THSD7B: variants seen among roughly 807,000 people sequenced by gnomAD.
The protein encoded by THSD7B is thrombospondin type 1 domain containing 7B.
A neutral mutation model predicts 213.6 loss-of-function variants in THSD7B; 138 were observed. That is an observed-to-expected ratio of 0.65 (90% confidence interval 0.56 to 0.74). The LOEUF is 0.74. Among genes scored for constraint, THSD7B ranks in the 30% least tolerant of loss-of-function variants. THSD7B has a pLI of 0.00. For synonymous variants in THSD7B, 742 were observed against 687.0 expected, an observed-to-expected ratio of 1.08 and a Z score of -1.25; for missense variants, 1,931 against 1,991.5, an observed-to-expected ratio of 0.97 and a Z score of 0.58.
In THSD7B at chr2:136,973,587, T is replaced by C. The variant is rs182637703; in HGVS notation, c.140-82833T>C. Among the ~76,000 whole-genome samples the C allele has an allele frequency of 7.9e-5, 12 of 152,306 alleles. 1 individual carries two copies. The highest frequency in any genetic ancestry group is 5.9e-4 in the Admixed American group (9 of 15,286). On this transcript the variant is annotated intron_variant, in intron 2 of 27. Transcript: ENST00000409968. ...TTAATATATTCTGTTATTTTACCAA[T>C]AGAAAAGTGCATTCAATTTACTTTT... is the stretch of plus-strand genomic sequence containing the variant.
At chr2:137,615,475 C>G (rs1213124748) in intron 17 of THSD7B, among the ~76,000 whole-genome samples, 4 of 152,196 alleles carry the variant, frequency 2.6e-5, no homozygotes, top group South Asian at 2.1e-4. Flanking sequence ...TGGATGAAAT[C>G]TGGCAGGCCG....
intron 4 of THSD7B, among the ~76,000 whole-genome samples, chr2:137,106,662 A>G (rs1418445789): frequency 1.3e-5 from 2 of 152,230 alleles, no homozygotes; most frequent in African/African-American, 2.4e-5. Flanking sequence ...AAGGACTAAT[A>G]TATAGAATCT....
At chr2:137,439,890 T>G (rs990666626) in intron 14 of THSD7B, among the ~76,000 whole-genome samples, 8 of 152,122 alleles carry the variant, frequency 5.3e-5, no homozygotes, top group African/African-American at 1.9e-4. Context: ...AACCGCACAG[T>G]CAGGCAAATA....
At chr2:137,171,000 C>A in intron 7 of THSD7B, 62 bp downstream of exon 7, 1 of 1,516,692 alleles carries the variant, frequency 6.6e-7, no homozygotes, top group African/African-American at 1.4e-5. Flanking sequence ...TAACACATGA[C>A]CACCCTTCAA....
chr2:137,118,762 C>T (rs138953953), intron 5 of THSD7B, among the ~76,000 whole-genome samples: 39 of 152,144 alleles, frequency 2.6e-4, no homozygotes, highest in African/African-American at 9.4e-4. Flanking sequence ...AGTCCATTTC[C>T]GTGCCGCTGA....
chr2:137,665,435 T>C (rs1045168244), intron 26 of THSD7B, among the ~76,000 whole-genome samples: 1 of 151,952 alleles, frequency 6.6e-6, no homozygotes, highest in Admixed American at 6.6e-5. Context: ...GGTATATAAA[T>C]TGCATGTGTG....
At position 137,170,795 on chromosome 2, in the gene THSD7B, A is replaced by C; in HGVS notation, c.1580A>C (p.His527Pro). 6.2e-7 allele frequency: 1 copy of C among 1,613,706 alleles called. No homozygotes were observed. The highest frequency in any genetic ancestry group is 8.5e-7 in the Non-Finnish European group (1 of 1,179,744). ...ATGGAATCTACAGGGCCTGCAGGGC[A>C]TTGCCCTCATTTGGTGGAGTCTGTT... ...VLMESTGPAG[H>P]CPHLVESVPC... The change falls in exon 7 of 28, where the codon CAT (histidine) becomes CCT (proline). Residue 527 changes from histidine to proline, a missense_variant. His to Pro is a moderately conservative substitution (Grantham distance 77). Transcript: ENST00000409968.
intron 15 of THSD7B, among the ~76,000 whole-genome samples, chr2:137,489,420 C>CAA (rs113418344): frequency 7.9e-6 from 1 of 126,016 alleles, no homozygotes. Context: ...GACTCCATCT[C>CAA]AAAAAAAAAA....
In THSD7B at chr2:137,167,409, G is replaced by A. The variant is rs114799910; in HGVS notation, c.1526-3332G>A. On this transcript the variant is annotated intron_variant, in intron 6 of 27. Coordinates refer to ENST00000409968, the MANE Select transcript of THSD7B (RefSeq NM_001316349.2). ...GTAGAGATGGAGTTTTACCATATTG[G>A]CCAGGCTGGAACCTGCTGGACTTTC... 6.8e-3 allele frequency among the ~76,000 whole-genome samples: 1,029 copies of A among 151,876 alleles called. 10 individuals are homozygous for A. Among genetic ancestry groups the A allele is most frequent in the African/African-American group, 0.021 (886 of 41,426 alleles).
chr2:137,163,644 T>A (rs776144248), intron 6 of THSD7B, among the ~76,000 whole-genome samples: 38 of 152,222 alleles, frequency 2.5e-4, no homozygotes, highest in Non-Finnish European at 4.7e-4. Flanking sequence ...TGCTGACACC[T>A]TGATTTCAGG....
At chr2:136,797,652 C>T (rs542275327) in intron 1 of THSD7B, among the ~76,000 whole-genome samples, 5 of 151,954 alleles carry the variant, frequency 3.3e-5, no homozygotes, top group Admixed American at 6.6e-5. Flanking sequence ...TGAGTGTTGG[C>T]GTTTGCATTT....
chr2:136,942,123 T>C (rs1684838302), intron 2 of THSD7B, among the ~76,000 whole-genome samples: 1 of 152,226 alleles, frequency 6.6e-6, no homozygotes, highest in African/African-American at 2.4e-5. Context: ...CCATTTCTTG[T>C]TTTTGTCAGA....
At chr2:137,477,986 T>A (rs545036110) in intron 15 of THSD7B, among the ~76,000 whole-genome samples, 54 of 152,250 alleles carry the variant, frequency 3.5e-4, no homozygotes, top group Admixed American at 3.3e-4. Context: ...TAAGTAGCTA[T>A]ATGCTGTTCT....
chr2:137,402,462 CAT>C (rs1391212073), intron 12 of THSD7B, among the ~76,000 whole-genome samples: 9 of 151,860 alleles, frequency 5.9e-5, no homozygotes, highest in African/African-American at 2.2e-4. Context: ...AAATTATAAA[CAT>C]ATTCAAAAGA....
intron 5 of THSD7B, among the ~76,000 whole-genome samples, chr2:137,134,484 G>A (rs958824534): frequency 6.6e-6 from 1 of 152,158 alleles, no homozygotes; most frequent in Non-Finnish European, 1.5e-5. Context: ...GTCAGCTGGA[G>A]CAGCAGTCCA....
At chr2:137,587,462 T>C (rs1681761247) in intron 17 of THSD7B, among the ~76,000 whole-genome samples, 3 of 152,220 alleles carry the variant, frequency 2.0e-5, no homozygotes, top group Admixed American at 2.0e-4. Flanking sequence ...CCCATCTTTG[T>C]GGTTTTATCT....
At chr2:136,874,459 A>G (rs141209207) in intron 1 of THSD7B, among the ~76,000 whole-genome samples, 354 of 152,328 alleles carry the variant, frequency 2.3e-3, no homozygotes, top group Middle Eastern at 0.014. Context: ...TCTTCTCTGC[A>G]CAGTTACCAT....
chr2:137,566,272 C>T (rs1429531232), intron 16 of THSD7B, among the ~76,000 whole-genome samples: 1 of 152,154 alleles, frequency 6.6e-6, no homozygotes, highest in Non-Finnish European at 1.5e-5. Flanking sequence ...AATATAATGT[C>T]ATTGAGTCGA....
At chr2:137,519,581 A>T (rs926547145) in intron 15 of THSD7B, among the ~76,000 whole-genome samples, 3 of 152,204 alleles carry the variant, frequency 2.0e-5, no homozygotes, top group South Asian at 2.1e-4. Flanking sequence ...ACTACTTCAG[A>T]CTGGCAGAAT....
Sources: gnomAD v4.1 joint callset for allele counts (sites outside exome capture counted in the v4.1 genomes callset) on GRCh38, gnomAD v4.1.1 for gene constraint, MANE v1.5 for transcripts, NCBI Gene and HGNC (gene_info 2026-07-23, HGNC 2026-07-21) for gene names.